The following SRCIN1 variants were observed in gnomAD, a reference collection of about 807,000 sequenced individuals.
SRCIN1 encodes the protein SRC kinase signaling inhibitor 1.
SRCIN1 carries 50 observed loss-of-function variants against 116.2 expected under a neutral mutation model. The observed-to-expected ratio is 0.43, with a 90% CI of 0.34 to 0.54. The LOEUF is 0.54. SRCIN1 is among the 20% of genes least tolerant of loss of function. The probability of loss-of-function intolerance (pLI) is 0.02; values close to 1 mark genes in which losing one functional copy is unlikely to be tolerated. For missense variants in SRCIN1, 1,446 were observed against 1,672.0 expected, an observed-to-expected ratio of 0.86 and a Z score of 2.36; for synonymous variants, 736 against 750.0, an observed-to-expected ratio of 0.98 and a Z score of 0.30.
chr17:38,557,330 T>A (rs1429292201), intron 11 of SRCIN1, among the ~76,000 whole-genome samples: 1 of 151,776 alleles, frequency 6.6e-6, no homozygotes, highest in African/African-American at 2.4e-5. Context: ...AAAAGAGAGG[T>A]GAAAAACTTA....
chr17:38,543,386 G>C (rs1694207639), intron 18 of SRCIN1, among the ~76,000 whole-genome samples: 1 of 152,230 alleles, frequency 6.6e-6, no homozygotes, highest in South Asian at 2.1e-4. Flanking sequence ...AAGAGGGAGA[G>C]GGAAGCGGAG....
In SRCIN1 at chr17:38,558,964, C is replaced by A. The variant is rs1267439462; in HGVS notation, c.2026-562G>T. The A allele has an allele frequency of 1.2e-5, 2 of 172,488 alleles. No individual in the cohort carries two copies. Among genetic ancestry groups the A allele is most frequent in the African/African-American group, 2.4e-5 (1 of 41,722 alleles). The allele number at this position is 172,488 out of a possible 1,614,324, so 10.7% of individuals were successfully genotyped here. A position where few individuals can be genotyped will look rare whatever the true frequency, so the allele number is the denominator to read the frequency against. On this transcript the variant is annotated intron_variant, in intron 10 of 18. Coordinates refer to ENST00000617146, the MANE Select transcript of SRCIN1 (RefSeq NM_025248.3). This position sits in a 1 kb window ranked among gnomAD's most constrained non-coding sequence, Gnocchi z 4.6. ...AAGACTAAGTTGATGATCGATCCAA[C>A]CCTGTTCCAAGCCTGAATGGCGGGG...
chr17:38,549,127 A>G lies in SRCIN1; in HGVS notation c.3046T>C (p.Ser1016Pro), dbSNP rs1372881741. The G allele has an allele frequency of 1.3e-5, 19 of 1,417,060 alleles. No individual in the cohort carries two copies. Among genetic ancestry groups the G allele is most frequent in the Admixed American group, 3.8e-5 (2 of 53,222 alleles). 87.8% of individuals were successfully genotyped at this position (1,417,060 alleles called of 1,614,324 possible). A position where few individuals can be genotyped will look rare whatever the true frequency, so the allele number is the denominator to read the frequency against. The change falls in exon 16 of 19, where the codon TCC becomes CCC. Residue 1016 changes from serine to proline, a missense_variant. Around this residue, in one of 5 missense-constraint regions of SRCIN1, gnomAD observed 531 missense variants for 633.9 expected, o/e 0.84. Coordinates refer to ENST00000617146, the MANE Select transcript of SRCIN1 (RefSeq NM_025248.3). ...GTACGTGTGGTGGTCAGGCCATGGG[A>G]GGAGGGGAAGCTCCGGCGGGGAGGG... ...PPPPRRSFPS[S>P]HGLTTTRTGE...
Position 38,552,550 on chromosome 17 carries a change from C to T in SRCIN1, c.2377G>A (p.Val793Met). 6.2e-7 allele frequency: 1 copy of T among 1,609,128 alleles called. No individual in the cohort carries two copies. The highest frequency in any genetic ancestry group is 8.5e-7 in the Non-Finnish European group (1 of 1,177,954). ...AGGAACTTCACCGCCTCCACCTCCACGCGCAGCACCACCCGCATCTTGCTC... is the reference window on the plus strand; with the variant it reads ...AGGAACTTCACCGCCTCCACCTCCATGCGCAGCACCACCCGCATCTTGCTC... ...LQSKMRVVLRVEVEAVKFLKE... is the reference protein window; with the variant it reads ...LQSKMRVVLRMEVEAVKFLKE... The change falls in exon 13 of 19, where the codon GTG becomes ATG. Residue 793 changes from valine to methionine, a missense_variant. Around this residue, in one of 5 missense-constraint regions of SRCIN1, gnomAD observed 531 missense variants for 633.9 expected, o/e 0.84. Coordinates refer to ENST00000617146, the MANE Select transcript of SRCIN1 (RefSeq NM_025248.3). The surrounding 1 kb of genome is among the most constrained non-coding windows in gnomAD (Gnocchi z 5.3).
intron 1 of SRCIN1, among the ~76,000 whole-genome samples, chr17:38,586,548 TG>T (rs74485390): frequency 0.099 from 15,071 of 151,898 alleles, 1,400 homozygotes; most frequent in East Asian, 0.51. Flanking sequence ...TCCCCAGGGG[TG>T]GGGGTAAGAA....
intron 1 of SRCIN1, among the ~76,000 whole-genome samples, chr17:38,601,882 G>A (rs767066572): frequency 6.6e-5 from 10 of 152,102 alleles, no homozygotes; most frequent in Admixed American, 2.0e-4. Flanking sequence ...GTGGTCAGAG[G>A]GAGGAAGGGG....
intron 1 of SRCIN1, among the ~76,000 whole-genome samples, chr17:38,598,816 T>C (rs1426201720): frequency 6.6e-6 from 1 of 152,094 alleles, no homozygotes; most frequent in Non-Finnish European, 1.5e-5. Flanking sequence ...AGTCCCCGGA[T>C]GGAATGGAGT....
chr17:38,547,468 GC>G (rs1905138156), intron 17 of SRCIN1, among the ~76,000 whole-genome samples: 2 of 152,152 alleles, frequency 1.3e-5, no homozygotes, highest in South Asian at 4.1e-4. Context: ...AAATACTCAG[GC>G]CTCCATCAGC....
intron 3 of SRCIN1, 94 bp from the exon 4 acceptor site, chr17:38,564,407 G>T: frequency 7.6e-7 from 1 of 1,321,886 alleles, no homozygotes; most frequent in Non-Finnish European, 1.0e-6. Context: ...GGAAGGTCCT[G>T]CCAGCCAGCG....
chr17:38,555,121 C>A (rs765806810), intron 11 of SRCIN1, among the ~76,000 whole-genome samples: 1 of 152,190 alleles, frequency 6.6e-6, no homozygotes, highest in Non-Finnish European at 1.5e-5. Flanking sequence ...TTTAATTAAC[C>A]CTCAAAACAA....
At position 38,585,369 on chromosome 17, in the gene SRCIN1, C is replaced by T. The variant is rs1045011216; in HGVS notation, c.23-6578G>A. Among the ~76,000 whole-genome samples the T allele has an allele frequency of 5.9e-5, 9 of 152,236 alleles. No homozygotes were observed. The highest frequency in any genetic ancestry group is 2.2e-4 in the African/African-American group (9 of 41,462). Reference sequence around the variant, plus strand: ...AGGAGGAGCCCCGAGGCACTGCCACCTTCGATTGTGCATGATGACTCCATC... The same window carrying T: ...AGGAGGAGCCCCGAGGCACTGCCACTTTCGATTGTGCATGATGACTCCATC... On this transcript the variant is annotated intron_variant, in intron 1 of 18. Coordinates refer to ENST00000617146, the MANE Select transcript of SRCIN1 (RefSeq NM_025248.3). This position sits in a 1 kb window ranked among gnomAD's most constrained non-coding sequence, Gnocchi z 4.2.
At chr17:38,587,254 T>C (rs1908165243) in intron 1 of SRCIN1, among the ~76,000 whole-genome samples, 2 of 152,078 alleles carry the variant, frequency 1.3e-5, no homozygotes, top group Non-Finnish European at 2.9e-5. Flanking sequence ...ATCCCAGGCT[T>C]GGCCTCGGTG....
intron 11 of SRCIN1, among the ~76,000 whole-genome samples, chr17:38,554,784 T>G (rs1905677604): frequency 6.6e-6 from 1 of 152,108 alleles, no homozygotes. Context: ...TGTACTTGAG[T>G]CGCTGACATC....
rs1213810117 is a variant in SRCIN1, at chr17:38,605,913, G to C, written c.-208C>G. 6.2e-5 allele frequency: 9 copies of C among 145,654 alleles called. No individual in the cohort carries two copies. In the East Asian group the frequency reaches 1.8e-3, roughly 30 times the overall value. 9.0% of individuals were successfully genotyped at this position (145,654 alleles called of 1,614,324 possible). ...AGCGCGCGCGCGGGCGTGTCACCGA[G>C]TGTGCGAGAGCGAGTGTGTGTGTGT... On this transcript the variant is annotated 5_prime_UTR_variant, in exon 1 of 19. Transcript: ENST00000617146.
chr17:38,543,646 G>A (rs1904887302), intron 18 of SRCIN1, among the ~76,000 whole-genome samples, 177 bp downstream of exon 18: 1 of 152,178 alleles, frequency 6.6e-6, no homozygotes, highest in African/African-American at 2.4e-5. Context: ...CCGGGATCGG[G>A]AGGAGGAGGG....
intron 18 of SRCIN1, among the ~76,000 whole-genome samples, chr17:38,534,751 G>C (rs1175518544): frequency 2.0e-5 from 3 of 152,170 alleles, no homozygotes; most frequent in African/African-American, 7.2e-5. Context: ...CTCCTTTACA[G>C]GTGCACAGAT....
At chr17:38,574,907 G>A (rs1447455823) in intron 2 of SRCIN1, 2 of 401,012 alleles carry the variant, frequency 5.0e-6, no homozygotes, top group African/African-American at 4.1e-5. Flanking sequence ...GGAGGGGGCG[G>A]AGTCGCCATG....
rs372275910 is a variant in SRCIN1, at chr17:38,560,463, G to T, written c.1701-38C>A. 81 of 1,537,972 alleles carry T rather than the reference G, an allele frequency of 5.3e-5. 1 individual carries two copies. The highest frequency in any genetic ancestry group is 3.6e-5 in the Admixed American group (2 of 54,804). On this transcript the variant is annotated intron_variant, in intron 7 of 18. Coordinates refer to ENST00000617146, the MANE Select transcript of SRCIN1 (RefSeq NM_025248.3). ...GGGGTCTGGGCAACCTCGCCTCTGA[G>T]CATAGGGTCTCTCCTGCCCAGCCCC...
intron 11 of SRCIN1, among the ~76,000 whole-genome samples, chr17:38,554,454 C>G (rs1285667826): frequency 6.6e-6 from 1 of 152,096 alleles, no homozygotes; most frequent in African/African-American, 2.4e-5. Flanking sequence ...ATATTCCATT[C>G]ACCCATACAC....
Sources: allele counts gnomAD v4.1 joint callset (sites outside exome capture counted in the v4.1 genomes callset), GRCh38; gene constraint gnomAD v4.1.1; regional missense constraint gnomAD v4.1.1; non-coding constraint Gnocchi (gnomAD v3.1); transcripts MANE v1.5; gene names NCBI Gene and HGNC (gene_info 2026-07-23, HGNC 2026-07-21).